Variants in SCARB1 observed in about 807,000 individuals in gnomAD.
SCARB1 encodes CD36 and LIMPII analogous 1.
In SCARB1, 30 loss-of-function variants were observed where a neutral mutation model predicts 57.2. The ratio of observed to expected loss-of-function variants is 0.52; its 90% confidence interval spans 0.39 to 0.71. The LOEUF (loss-of-function observed/expected upper bound fraction) is 0.71. SCARB1 is among the 30% of genes least tolerant of loss of function. The probability of loss-of-function intolerance (pLI) is 0.00; values close to 1 mark genes in which losing one functional copy is unlikely to be tolerated. For missense variants in SCARB1, 543 were observed against 671.2 expected, an observed-to-expected ratio of 0.81 and a Z score of 2.11; for synonymous variants, 249 against 268.3, an observed-to-expected ratio of 0.93 and a Z score of 0.70.
At chr12:124,820,627 T>G (rs1467071757) in intron 1 of SCARB1, among the ~76,000 whole-genome samples, 1 of 152,174 alleles carries the variant, frequency 6.6e-6, no homozygotes, top group East Asian at 1.9e-4. Flanking sequence ...CCTGCAGCCC[T>G]GGGGACCCTG....
Position 124,778,479 on chromosome 12 carries a change from G to A in SCARB1, c.*108C>T, listed in dbSNP as rs751263740. On this transcript the variant is annotated 3_prime_UTR_variant, in exon 13 of 13. Coordinates refer to ENST00000261693, the MANE Select transcript of SCARB1 (RefSeq NM_005505.5). ...GCAGCTGGGAGGCTCAGGCTGTGGG[G>A]CTGGGGGGCTGTCCGCTGGGAGAGT... is the stretch of plus-strand genomic sequence containing the variant. The A allele has an allele frequency of 7.4e-7, 1 of 1,345,170 alleles. No homozygotes were observed. The allele number at this position is 1,345,170 out of a possible 1,614,324, so 83.3% of individuals were successfully genotyped here.
At chr12:124,848,085 A>T (rs1234941001) in intron 1 of SCARB1, among the ~76,000 whole-genome samples, 1 of 152,152 alleles carries the variant, frequency 6.6e-6, no homozygotes, top group African/African-American at 2.4e-5. Flanking sequence ...GGATTCAAAA[A>T]AAAATTTTCT....
chr12:124,806,407 G>A (rs746995238), intron 7 of SCARB1, among the ~76,000 whole-genome samples: 6 of 152,180 alleles, frequency 3.9e-5, no homozygotes, highest in Non-Finnish European at 5.9e-5. Context: ...TCAGGGGACC[G>A]ACGCCAACAG....
chr12:124,833,397 C>A (rs536208046), intron 1 of SCARB1, among the ~76,000 whole-genome samples: 2 of 151,994 alleles, frequency 1.3e-5, no homozygotes, highest in Non-Finnish European at 2.9e-5. Flanking sequence ...ACTATGTTGC[C>A]CAAGCTGGTC....
At chr12:124,793,612 G>T (rs940615064) in intron 9 of SCARB1, among the ~76,000 whole-genome samples, 7 of 148,118 alleles carry the variant, frequency 4.7e-5, no homozygotes, top group African/African-American at 1.8e-4. Context: ...AGAATGGCGT[G>T]AACCCAGGAG....
At chr12:124,819,637 C>T (rs1037410136) in intron 1 of SCARB1, among the ~76,000 whole-genome samples, 2 of 152,212 alleles carry the variant, frequency 1.3e-5, no homozygotes, top group East Asian at 1.9e-4. Context: ...AGTGACCCAG[C>T]CCATTAGACT....
In SCARB1 at chr12:124,795,247, A is replaced by C; in HGVS notation, c.1150T>G (p.Cys384Gly). 6.2e-7 allele frequency: 1 copy of C among 1,613,984 alleles called. No individual in the cohort carries two copies. Among genetic ancestry groups the C allele is most frequent in the Non-Finnish European group, 8.5e-7 (1 of 1,179,880 alleles). Residue 384 changes from cysteine (C) to glycine (G), a missense_variant, in exon 9 of 13, where the codon TGC becomes GGC. Transcript: ENST00000261693. ...AGGCTCAGCTGCAGTTTCACAGAGC[A>C]GTTCATGGGGATTCCCGTGACCTGC... ...IHPVTGIPMN[C>G]SVKLQLSLYM... is the part of the protein sequence containing the mutation.
chr12:124,844,686 G>A (rs74465683), intron 1 of SCARB1, among the ~76,000 whole-genome samples: 1 of 152,078 alleles, frequency 6.6e-6, no homozygotes, highest in South Asian at 2.1e-4. Flanking sequence ...CTATGAGGCC[G>A]GGAGAGGGGT....
intron 1 of SCARB1, among the ~76,000 whole-genome samples, chr12:124,851,754 G>C (rs1482701689): frequency 6.6e-6 from 1 of 151,764 alleles, no homozygotes; most frequent in Non-Finnish European, 1.5e-5. Context: ...CTACAGGTGT[G>C]TGCCACCATG....
intron 1 of SCARB1, among the ~76,000 whole-genome samples, chr12:124,859,427 A>G (rs1428230322): frequency 6.6e-6 from 1 of 152,108 alleles, no homozygotes; most frequent in Admixed American, 6.5e-5. Context: ...GCTCCTCAGG[A>G]GGCTGAGGCA....
At chr12:124,833,423 C>CA (rs757502972) in intron 1 of SCARB1, among the ~76,000 whole-genome samples, 8 of 152,178 alleles carry the variant, frequency 5.3e-5, no homozygotes, top group Non-Finnish European at 8.8e-5. Flanking sequence ...CTCCTGGGCT[C>CA]AAAAATCTCC....
At chr12:124,837,010 C>G (rs117794015) in intron 1 of SCARB1, among the ~76,000 whole-genome samples, 1 of 152,080 alleles carries the variant, frequency 6.6e-6, no homozygotes, top group Non-Finnish European at 1.5e-5. Context: ...CTCAGACCAG[C>G]GAAGAGAATG....
At chr12:124,786,124 G>A (rs1196742420) in intron 11 of SCARB1, 5 of 1,537,964 alleles carry the variant, frequency 3.3e-6, no homozygotes, top group Non-Finnish European at 4.4e-6. Flanking sequence ...CCCTCCAAGG[G>A]AGGGTCCCAG....
At chr12:124,816,693 G>C (rs1400940686) in intron 2 of SCARB1, among the ~76,000 whole-genome samples, 1 of 152,090 alleles carries the variant, frequency 6.6e-6, no homozygotes, top group African/African-American at 2.4e-5. Flanking sequence ...GAGGGGAGGT[G>C]CTGTGAAAAC....
intron 9 of SCARB1, among the ~76,000 whole-genome samples, chr12:124,793,033 G>A (rs1019009074): frequency 6.6e-6 from 1 of 152,064 alleles, no homozygotes; most frequent in Admixed American, 6.5e-5. Flanking sequence ...GCCTGGGGCT[G>A]TTTCCCCACC....
chr12:124,827,628 C>G (rs1951214283), intron 1 of SCARB1, among the ~76,000 whole-genome samples: 1 of 152,110 alleles, frequency 6.6e-6, no homozygotes, highest in Non-Finnish European at 1.5e-5. Flanking sequence ...GTTACTCAGC[C>G]CAGCCCCACA....
intron 1 of SCARB1, among the ~76,000 whole-genome samples, chr12:124,845,537 CAAA>C (rs34178546): frequency 1.9e-5 from 2 of 106,412 alleles, no homozygotes; most frequent in African/African-American, 7.3e-5. Flanking sequence ...ATTAAAAATA[CAAA>C]AAAAAAAAAA....
chr12:124,799,311 G>T (rs1181222576), intron 8 of SCARB1, among the ~76,000 whole-genome samples: 3 of 152,142 alleles, frequency 2.0e-5, no homozygotes, highest in South Asian at 2.1e-4. Context: ...GATCGCTTGA[G>T]CCCAAGAGTT....
intron 1 of SCARB1, among the ~76,000 whole-genome samples, chr12:124,845,716 A>T (rs746630933): frequency 7.0e-6 from 1 of 142,094 alleles, no homozygotes; most frequent in Non-Finnish European, 1.5e-5. Flanking sequence ...AAAAAAAAAG[A>T]AATGTCCAGG....
Sources: gnomAD v4.1 joint callset for allele counts (sites outside exome capture counted in the v4.1 genomes callset) on GRCh38, gnomAD v4.1.1 for gene constraint, MANE v1.5 for transcripts, NCBI Gene and HGNC (gene_info 2026-07-23, HGNC 2026-07-21) for gene names.